The following ADGRB3 variants were observed in gnomAD, a reference collection of about 807,000 sequenced individuals.
The protein encoded by ADGRB3 is brain-specific angiogenesis inhibitor 3.
A neutral mutation model predicts 193.4 loss-of-function variants in ADGRB3; 37 were observed. That is an observed-to-expected ratio of 0.19 (90% CI 0.15 to 0.25). The LOEUF (loss-of-function observed/expected upper bound fraction) is 0.25, where lower values mean the gene tolerates loss of function less well. ADGRB3 is among the 10% of genes least tolerant of loss of function. ADGRB3 has a pLI of 1.00. For missense variants in ADGRB3, 1,637 were observed against 1,852.9 expected, an observed-to-expected ratio of 0.88 and a Z score of 2.14; for synonymous variants, 690 against 644.2, an observed-to-expected ratio of 1.07 and a Z score of -1.08.
At position 69,258,230 on chromosome 6, in the gene ADGRB3, A is replaced by G. The variant is rs543054518; in HGVS notation, c.2814+19004A>G. Among the ~76,000 whole-genome samples the G allele has an allele frequency of 8.3e-4, 126 of 152,366 alleles. 1 individual carries two copies. The South Asian group carries it at 0.025, about 31-fold the overall frequency. Reference sequence around the variant, plus strand: ...AATTCCTAGAGATTAGAGGAAATCTAGCAAGGTACAGGATTGAAAATGATG... The same window carrying G: ...AATTCCTAGAGATTAGAGGAAATCTGGCAAGGTACAGGATTGAAAATGATG... On this transcript the variant is annotated intron_variant, in intron 20 of 31. Coordinates refer to ENST00000370598, the MANE Select transcript of ADGRB3 (RefSeq NM_001704.3).
intron 17 of ADGRB3, among the ~76,000 whole-genome samples, chr6:69,151,335 C>T (rs1164459241): frequency 6.6e-6 from 1 of 152,166 alleles, no homozygotes; most frequent in East Asian, 1.9e-4. Context: ...AATGTTCCTT[C>T]TGTGGGCATC....
chr6:68,801,547 G>A (rs1447067801), intron 3 of ADGRB3, among the ~76,000 whole-genome samples: 1 of 152,024 alleles, frequency 6.6e-6, no homozygotes, highest in African/African-American at 2.4e-5. Context: ...AAAATGGCTG[G>A]GTGTGGTGGC....
chr6:69,057,389 C>CT (rs2150305587), intron 15 of ADGRB3, among the ~76,000 whole-genome samples: 1 of 152,004 alleles, frequency 6.6e-6, no homozygotes, highest in East Asian at 1.9e-4. Flanking sequence ...ATTTGGATGC[C>CT]TTTTATTTCT....
intron 17 of ADGRB3, among the ~76,000 whole-genome samples, chr6:69,176,256 T>C (rs1251023103): frequency 2.0e-5 from 3 of 152,212 alleles, no homozygotes; most frequent in Non-Finnish European, 4.4e-5. Context: ...ACATTCAGTA[T>C]GATGTTAGCT....
chr6:69,031,571 C>CTTTCTCTCT (rs1337493560), intron 13 of ADGRB3, among the ~76,000 whole-genome samples: 5 of 106,848 alleles, frequency 4.7e-5, no homozygotes, highest in Admixed American at 1.0e-4. Flanking sequence ...TTCTTTTCTT[C>CTTTCTCTCT]CTCTGTCTCT....
At chr6:69,264,563 C>T (rs1767000690) in intron 20 of ADGRB3, among the ~76,000 whole-genome samples, 1 of 151,180 alleles carries the variant, frequency 6.6e-6, no homozygotes, top group African/African-American at 2.4e-5. Context: ...TATTTGACTA[C>T]CAAAGCTATT....
At chr6:68,651,194 T>G (rs1037945872) in intron 3 of ADGRB3, among the ~76,000 whole-genome samples, 8 of 152,200 alleles carry the variant, frequency 5.3e-5, no homozygotes, top group African/African-American at 1.4e-4. Flanking sequence ...GCCTTGGTTT[T>G]TGCAACTTAA....
chr6:69,036,516 A>T (rs1453510416), intron 13 of ADGRB3, among the ~76,000 whole-genome samples: 1 of 152,146 alleles, frequency 6.6e-6, no homozygotes, highest in Non-Finnish European at 1.5e-5. Flanking sequence ...CAATATACAG[A>T]AAAATGCCTA....
intron 3 of ADGRB3, among the ~76,000 whole-genome samples, chr6:68,746,554 G>C (rs529070348): frequency 6.6e-6 from 1 of 152,020 alleles, no homozygotes; most frequent in African/African-American, 2.4e-5. Context: ...ATTGTGACTT[G>C]TGACATGGCT....
intron 29 of ADGRB3, among the ~76,000 whole-genome samples, chr6:69,363,134 C>A (rs1475512060): frequency 6.6e-6 from 1 of 152,020 alleles, no homozygotes; most frequent in Admixed American, 6.6e-5. Flanking sequence ...TTTCCAAGAA[C>A]TTCTTTCTTC....
intron 3 of ADGRB3, among the ~76,000 whole-genome samples, chr6:68,900,851 A>G (rs1214580622): frequency 1.3e-5 from 2 of 152,170 alleles, no homozygotes; most frequent in Non-Finnish European, 2.9e-5. Flanking sequence ...CTTACTCTGT[A>G]TATGAATTTG....
chr6:69,066,173 C>CATATATATATTAATATATAGTT (rs1771899048), intron 16 of ADGRB3, among the ~76,000 whole-genome samples: 3 of 151,254 alleles, frequency 2.0e-5, no homozygotes, highest in Admixed American at 2.0e-4. Context: ...TATACATCCA[C>CATATATATATTAATATATAGTT]ATATATATAT....
chr6:69,219,465 A>G (rs1473194534), intron 17 of ADGRB3, among the ~76,000 whole-genome samples: 118 of 73,052 alleles, frequency 1.6e-3, no homozygotes, highest in African/African-American at 6.4e-3. Flanking sequence ...ACACACGTAT[A>G]TATATATATA....
At chr6:69,236,474 G>T (rs961973669) in intron 19 of ADGRB3, among the ~76,000 whole-genome samples, 61 of 152,092 alleles carry the variant, frequency 4.0e-4, no homozygotes, top group African/African-American at 1.4e-3. Flanking sequence ...AGCAGACATT[G>T]TCTCAGTAAT....
chr6:69,185,746 C>T (rs535087217), intron 17 of ADGRB3, among the ~76,000 whole-genome samples: 13 of 152,204 alleles, frequency 8.5e-5, no homozygotes, highest in African/African-American at 3.1e-4. Context: ...TTATCATTGA[C>T]TTTTAAGTTG....
At position 69,388,764 on chromosome 6, in the gene ADGRB3, A is replaced by C; in HGVS notation, c.4442A>C (p.His1481Pro). The change falls in exon 32 of 32, where the codon CAT becomes CCT. Residue 1481 changes from histidine to proline, a missense_variant. His to Pro is a moderately conservative substitution (Grantham distance 77). Transcript: ENST00000370598. ...DTFKNPSEYP[H>P]YTTINVLDTE... is the part of the protein sequence containing the mutation. ...TTCAAAAACCCCAGTGAATACCCGC[A>C]TTACACCACAATCAATGTCTTAGAC... 6.2e-7 allele frequency: 1 copy of C among 1,613,562 alleles called. No homozygotes were observed. Among genetic ancestry groups the C allele is most frequent in the African/African-American group, 1.3e-5 (1 of 75,014 alleles).
intron 3 of ADGRB3, among the ~76,000 whole-genome samples, chr6:68,707,937 T>A (rs748039982): frequency 4.6e-5 from 7 of 152,146 alleles, no homozygotes; most frequent in Non-Finnish European, 1.0e-4. Context: ...AAAGTTCCTG[T>A]GCAAGAGGAT....
At chr6:68,739,264 G>A (rs1765932095) in intron 3 of ADGRB3, among the ~76,000 whole-genome samples, 1 of 152,086 alleles carries the variant, frequency 6.6e-6, no homozygotes, top group Non-Finnish European at 1.5e-5. Context: ...GATCTTTGTA[G>A]GAATTTTGTT....
intron 20 of ADGRB3, among the ~76,000 whole-genome samples, chr6:69,319,627 T>C (rs1283467): frequency 0.45 from 67,659 of 151,126 alleles, 17,212 homozygotes; most frequent in African/African-American, 0.69. Context: ...TTATTGTTTT[T>C]ATAAAGATGT....
Sources: allele counts gnomAD v4.1 joint callset (sites outside exome capture counted in the v4.1 genomes callset), GRCh38; gene constraint gnomAD v4.1.1; transcripts MANE v1.5; gene names NCBI Gene and HGNC (gene_info 2026-07-23, HGNC 2026-07-21).